The following QTMAN variants were observed in gnomAD, a reference collection of about 807,000 sequenced individuals.
QTMAN encodes queuosine-tRNA mannosyltransferase, also known as tRNA-queuosine alpha-mannosyltransferase.
the QTMAN span, among the ~76,000 whole-genome samples, chr2:144,196,896 G>A: frequency 6.6e-6 from 1 of 152,158 alleles, no homozygotes; most frequent in African/African-American, 2.4e-5. Context: ...ATAGTGATAA[G>A]TTTGACAAGT....
At chr2:144,068,588 T>C in the QTMAN span, among the ~76,000 whole-genome samples, 1 of 152,174 alleles carries the variant, frequency 6.6e-6, no homozygotes, top group East Asian at 1.9e-4. Flanking sequence ...ATCAAGGTGG[T>C]GATTAAGTTA....
chr2:144,265,449 G>A, the QTMAN span, among the ~76,000 whole-genome samples: 2 of 152,152 alleles, frequency 1.3e-5, no homozygotes, highest in Admixed American at 1.3e-4. Flanking sequence ...TGTAATCCCA[G>A]CACTTTGGGA....
the QTMAN span, among the ~76,000 whole-genome samples, chr2:144,166,953 T>G: frequency 6.6e-6 from 1 of 152,072 alleles, no homozygotes; most frequent in South Asian, 2.1e-4. Flanking sequence ...TCCATCCTAT[T>G]CTCTGGGGAA....
the QTMAN span, among the ~76,000 whole-genome samples, chr2:144,312,016 A>G: frequency 6.6e-6 from 1 of 152,182 alleles, no homozygotes; most frequent in Non-Finnish European, 1.5e-5. Flanking sequence ...TATGCTTTCA[A>G]ACATATTTCT....
chr2:144,083,244 C>T, the QTMAN span, among the ~76,000 whole-genome samples: 2 of 152,188 alleles, frequency 1.3e-5, no homozygotes. Context: ...CCATCTGCCT[C>T]TCTTGAAATA....
the QTMAN span, among the ~76,000 whole-genome samples, chr2:144,085,216 G>A: frequency 1.3e-5 from 2 of 152,218 alleles, no homozygotes; most frequent in Non-Finnish European, 2.9e-5. Flanking sequence ...GTGTGGCTGT[G>A]TTTCAATAAA....
At chr2:144,060,993 A>AT in the QTMAN span, among the ~76,000 whole-genome samples, 12 of 149,702 alleles carry the variant, frequency 8.0e-5, no homozygotes, top group African/African-American at 1.7e-4. Flanking sequence ...TCATCATATA[A>AT]TTTTTTTTTT....
the QTMAN span, among the ~76,000 whole-genome samples, chr2:144,191,385 C>A: frequency 3.9e-5 from 6 of 152,074 alleles, no homozygotes; most frequent in Non-Finnish European, 4.4e-5. Flanking sequence ...TATATGCGGG[C>A]AGGGTTGTGC....
chr2:144,004,468 T>C, the QTMAN span, among the ~76,000 whole-genome samples: 1 of 152,066 alleles, frequency 6.6e-6, no homozygotes, highest in Non-Finnish European at 1.5e-5. Flanking sequence ...ACTGTATTTT[T>C]ATGAGCAAAT....
At chr2:144,061,317 T>G in the QTMAN span, among the ~76,000 whole-genome samples, 1 of 152,316 alleles carries the variant, frequency 6.6e-6, no homozygotes, top group East Asian at 1.9e-4. Flanking sequence ...TGACTGAACA[T>G]TCACTGTGGT....
the QTMAN span, among the ~76,000 whole-genome samples, chr2:144,084,156 G>A: frequency 1.3e-5 from 2 of 152,152 alleles, no homozygotes. Context: ...CATGTGCCAC[G>A]AGGACCAGTA....
chr2:144,072,941 CA>C, the QTMAN span, among the ~76,000 whole-genome samples: 8 of 152,110 alleles, frequency 5.3e-5, no homozygotes, highest in African/African-American at 1.7e-4. Context: ...GAAGCAGACA[CA>C]GGGGGATTTT....
At chr2:144,260,975 T>C in the QTMAN span, among the ~76,000 whole-genome samples, 15 of 152,250 alleles carry the variant, frequency 9.9e-5, no homozygotes, top group Middle Eastern at 3.4e-3. Flanking sequence ...CATAGTGGCA[T>C]AGGTTTTGAG....
chr2:144,075,253 G>C, the QTMAN span, among the ~76,000 whole-genome samples: 8 of 152,296 alleles, frequency 5.3e-5, no homozygotes, highest in African/African-American at 1.9e-4. Flanking sequence ...TCGAGAATAA[G>C]AAAGGGTGAA....
At chr2:143,993,376 T>A in the QTMAN span, among the ~76,000 whole-genome samples, 1 of 150,202 alleles carries the variant, frequency 6.7e-6, no homozygotes, top group Non-Finnish European at 1.5e-5. Flanking sequence ...TCCTTGGAAC[T>A]CATGAATGTT....
the QTMAN span, among the ~76,000 whole-genome samples, chr2:144,266,332 T>C: frequency 6.6e-6 from 1 of 152,168 alleles, no homozygotes; most frequent in African/African-American, 2.4e-5. Context: ...AAAGTGGTTG[T>C]AAAAAAGAAT....
At chr2:144,195,298 T>C in the QTMAN span, among the ~76,000 whole-genome samples, 3 of 152,150 alleles carry the variant, frequency 2.0e-5, no homozygotes, top group Non-Finnish European at 4.4e-5. Flanking sequence ...TCATCAAAAC[T>C]GTATTTTTTA....
the QTMAN span, among the ~76,000 whole-genome samples, chr2:143,986,467 C>T: frequency 6.6e-6 from 1 of 152,196 alleles, no homozygotes; most frequent in East Asian, 1.9e-4. Context: ...CCCTCTTCCA[C>T]CACCTTCTAT....
At chr2:144,262,570 A>AG in the QTMAN span, among the ~76,000 whole-genome samples, 1 of 648 alleles carries the variant, frequency 1.5e-3, no homozygotes, top group Non-Finnish European at 6.3e-3. Context: ...ATGCTGTCTC[A>AG]AAAAAAAAAA....
Sources: gnomAD v4.1 joint callset for allele counts (sites outside exome capture counted in the v4.1 genomes callset) on GRCh38, gnomAD v4.1.1 for gene constraint, MANE v1.5 for transcripts, NCBI Gene and HGNC (gene_info 2026-07-23, HGNC 2026-07-21) for gene names.